Variants in DNALI1 observed in about 807,000 individuals in gnomAD.
DNALI1 encodes axonemal dynein light intermediate polypeptide 1.
In DNALI1, 31 loss-of-function variants were observed where a neutral mutation model predicts 33.9. The ratio of observed to expected loss-of-function variants is 0.91; its 90% CI spans 0.69 to 1.23. The LOEUF is 1.23. Ranked by LOEUF, DNALI1 falls within the 50% of genes most tolerant of loss-of-function variation. The probability of loss-of-function intolerance (pLI) is 0.00; values close to 1 mark genes in which losing one functional copy is unlikely to be tolerated. For synonymous variants in DNALI1, 117 were observed against 129.2 expected, an observed-to-expected ratio of 0.91 and a Z score of 0.64; for missense variants, 305 against 323.8, an observed-to-expected ratio of 0.94 and a Z score of 0.44.
In DNALI1 at chr1:37,557,027, C is replaced by G. The variant is rs774600493; in HGVS notation, c.33C>G (p.Tyr11Ter). The change falls in exon 1 of 6, where the codon TAC becomes TAG. Residue 11 changes from tyrosine to a stop codon, truncating the protein, a stop_gained. Coordinates refer to ENST00000652629, the MANE Select transcript of DNALI1 (RefSeq NM_003462.5). LOFTEE classifies it high-confidence loss of function. ...CGCCCGCAGACTCTTTGCTCAAGTA[C>G]GACACCCCAGTGCTGGTGAGCCGGA... MIPPADSLLKYDTPVLVSRNT... is the reference protein window; with the variant it reads MIPPADSLLK 1.2e-6 allele frequency: 2 copies of G among 1,614,176 alleles called. No homozygotes were observed. Among genetic ancestry groups the G allele is most frequent in the Non-Finnish European group, 8.5e-7 (1 of 1,180,042 alleles).
At chr1:37,564,252 A>G (rs1570041619) in intron 5 of DNALI1, among the ~76,000 whole-genome samples, 1 of 125,492 alleles carries the variant, frequency 8.0e-6, no homozygotes, top group African/African-American at 3.0e-5. Context: ...ACCCCCCAAC[A>G]AAGAGGGACA....
chr1:37,556,985 C>A lies in DNALI1; in HGVS notation c.-10C>A. On this transcript the variant is annotated 5_prime_UTR_variant, in exon 1 of 6. Coordinates refer to ENST00000652629, the MANE Select transcript of DNALI1 (RefSeq NM_003462.5). ...AGGGCAGCTGCTGGGTTGCTACTCT[C>A]GCCTCCGCCATGATTCCGCCCGCAG... is the stretch of plus-strand genomic sequence containing the variant. The A allele has an allele frequency of 6.2e-7, 1 of 1,614,232 alleles. No homozygotes were observed. The highest frequency in any genetic ancestry group is 8.5e-7 in the Non-Finnish European group (1 of 1,180,046).
In DNALI1 at chr1:37,557,008, C is replaced by G. The variant is rs565304670; in HGVS notation, c.14C>G (p.Ala5Gly). Reference sequence around the variant, plus strand: ...CTCGCCTCCGCCATGATTCCGCCCGCAGACTCTTTGCTCAAGTACGACACC... The same window carrying G: ...CTCGCCTCCGCCATGATTCCGCCCGGAGACTCTTTGCTCAAGTACGACACC... MIPP[A>G]DSLLKYDTPV... The change falls in exon 1 of 6, where the codon GCA becomes GGA. Residue 5 changes from alanine to glycine, a missense_variant. Ala to Gly is a moderately conservative substitution (Grantham distance 60). Transcript: ENST00000652629. 4 of 1,614,226 alleles carry G rather than the reference C, an allele frequency of 2.5e-6. No individual in the cohort carries two copies. The African/African-American group carries it at 5.3e-5, about 22-fold the overall frequency.
Position 37,562,203 on chromosome 1 carries a change from T to C in DNALI1, c.699T>C (p.Asn233=), listed in dbSNP as rs373348056. 3.1e-6 allele frequency: 5 copies of C among 1,613,242 alleles called. No homozygotes were observed. The highest frequency in any genetic ancestry group is 1.3e-5 in the African/African-American group (1 of 74,792). The change falls in exon 5 of 6, where the codon AAT becomes AAC. Residue 233 remains asparagine (N), a synonymous_variant. Transcript: ENST00000652629. The surrounding 1 kb of genome is among the most constrained non-coding windows in gnomAD (Gnocchi z 5.8). ...ERRQVEEKKH[N]EEIQFLKRTN... is the part of the protein sequence containing the mutation. Reference sequence around the variant, plus strand: ...GGCAGGTGGAGGAGAAGAAGCACAATGAGGAGATTCAGTTCCTGAAGCGAA... The same window carrying C: ...GGCAGGTGGAGGAGAAGAAGCACAACGAGGAGATTCAGTTCCTGAAGCGAA...
chr1:37,557,800 G>A (rs760154244), intron 2 of DNALI1, 52 bp downstream of exon 2: 1 of 1,604,960 alleles, frequency 6.2e-7, no homozygotes, highest in East Asian at 2.3e-5. Flanking sequence ...TTACATCGTG[G>A]ATTTTGGGAG....
Position 37,557,716 on chromosome 1 carries a change from A to G in DNALI1, c.195A>G (p.Ala65=), listed in dbSNP as rs1205499922. 1.2e-6 allele frequency: 2 copies of G among 1,613,956 alleles called. No individual in the cohort carries two copies. The highest frequency in any genetic ancestry group is 3.3e-5 in the Admixed American group (2 of 60,006). The part of the protein sequence containing the change: ...TPCVPDPTKQ[A]EEILNAILPP... ...GTGTCCCAGATCCTACAAAGCAGGC[A>G]GAAGAAATCTTGAATGCCATACTAC... is the stretch of plus-strand genomic sequence containing the variant. Residue 65 remains alanine (A), a synonymous_variant, in exon 2 of 6, where the codon GCA becomes GCG. Coordinates refer to ENST00000652629, the MANE Select transcript of DNALI1 (RefSeq NM_003462.5).
Position 37,557,012 on chromosome 1 carries a change from C to T in DNALI1, c.18C>T (p.Asp6=), listed in dbSNP as rs748000728. Residue 6 remains aspartate (D), a synonymous_variant, in exon 1 of 6, where the codon GAC becomes GAT. Coordinates refer to ENST00000652629, the MANE Select transcript of DNALI1 (RefSeq NM_003462.5). ...CCTCCGCCATGATTCCGCCCGCAGA[C>T]TCTTTGCTCAAGTACGACACCCCAG... The part of the protein sequence containing the change: MIPPA[D]SLLKYDTPVL... The T allele has an allele frequency of 2.5e-6, 4 of 1,614,248 alleles. No individual in the cohort carries two copies. Among genetic ancestry groups the T allele is most frequent in the Non-Finnish European group, 3.4e-6 (4 of 1,180,050 alleles).
In DNALI1 at chr1:37,562,024, T is replaced by C; in HGVS notation, c.577-57T>C. On this transcript the variant is annotated intron_variant, in intron 4 of 5. Coordinates refer to ENST00000652629, the MANE Select transcript of DNALI1 (RefSeq NM_003462.5). The surrounding 1 kb of genome is among the most constrained non-coding windows in gnomAD (Gnocchi z 5.8). Reference sequence around the variant, plus strand: ...TGTCCCATGTCCCTTCCACCCAGGCTCACACCATTCCATTCACCTGGCGAC... The same window carrying C: ...TGTCCCATGTCCCTTCCACCCAGGCCCACACCATTCCATTCACCTGGCGAC... The C allele has an allele frequency of 6.2e-7, 1 of 1,610,316 alleles. No individual in the cohort carries two copies. Among genetic ancestry groups the C allele is most frequent in the Non-Finnish European group, 8.5e-7 (1 of 1,177,894 alleles).
At chr1:37,563,175 A>G (rs192183012) in intron 5 of DNALI1, among the ~76,000 whole-genome samples, 204 of 152,292 alleles carry the variant, frequency 1.3e-3, no homozygotes, top group African/African-American at 4.7e-3. Context: ...CAATCTTGAC[A>G]TTGCAGGCTT....
Position 37,561,750 on chromosome 1 carries a change from C to G in DNALI1, c.576+15C>G. ...TGGAGAGGAAAGTGAGTGGGGTTTACCGTGACCCTTGGTCCCATCTCTTCT... is the reference window on the plus strand; with the variant it reads ...TGGAGAGGAAAGTGAGTGGGGTTTAGCGTGACCCTTGGTCCCATCTCTTCT... On this transcript the variant is annotated intron_variant, in intron 4 of 5. Coordinates refer to ENST00000652629, the MANE Select transcript of DNALI1 (RefSeq NM_003462.5). This position sits in a 1 kb window ranked among gnomAD's most constrained non-coding sequence, Gnocchi z 4.6. 6.2e-7 allele frequency: 1 copy of G among 1,610,720 alleles called. No homozygotes were observed. The highest frequency in any genetic ancestry group is 8.5e-7 in the Non-Finnish European group (1 of 1,177,758).
rs1354769226 is a variant in DNALI1 at position 37,559,257 on chromosome 1, G to A, written c.228-70G>A. The A allele has an allele frequency of 6.9e-7, 1 of 1,450,328 alleles. No homozygotes were observed. Among genetic ancestry groups the A allele is most frequent in the African/African-American group, 1.4e-5 (1 of 69,348 alleles). The allele number at this position is 1,450,328 out of a possible 1,614,324, so 89.8% of individuals were successfully genotyped here. ...CACTACTCAGGCAGAGGGCTCAAAG[G>A]GCCCTCTGCTCATGTGCTAGGGACC... On this transcript the variant is annotated intron_variant, in intron 2 of 5. Coordinates refer to ENST00000652629, the MANE Select transcript of DNALI1 (RefSeq NM_003462.5). The surrounding 1 kb of genome is among the most constrained non-coding windows in gnomAD (Gnocchi z 5.3).
At position 37,566,587 on chromosome 1, in the gene DNALI1, C is replaced by T. The variant is rs545324791; in HGVS notation, c.*1526C>T. 4.9e-6 allele frequency: 2 copies of T among 412,036 alleles called. No individual in the cohort carries two copies. Among genetic ancestry groups the T allele is most frequent in the African/African-American group, 2.0e-5 (1 of 49,118 alleles). 25.5% of individuals were successfully genotyped at this position (412,036 alleles called of 1,614,324 possible). On this transcript the variant is annotated 3_prime_UTR_variant, in exon 6 of 6. Transcript: ENST00000652629. ...ACCCTTTCCATTTTATAGACCTCAT[C>T]CCCTATTTCTGTCAGACAGTTATAT... is the stretch of plus-strand genomic sequence containing the variant.
Position 37,565,279 on chromosome 1 carries a change from G to A in DNALI1, c.*218G>A. 1.7e-6 allele frequency: 1 copy of A among 582,092 alleles called. No homozygotes were observed. 36.1% of individuals were successfully genotyped at this position (582,092 alleles called of 1,614,324 possible). On this transcript the variant is annotated 3_prime_UTR_variant, in exon 6 of 6. Transcript: ENST00000652629. ...CTAAGGTCTGCCAGCCAGGCTCCTG[G>A]CTGGGCAATGGAAGATGGTGTGGCC...
Position 37,565,220 on chromosome 1 carries a change from G to A in DNALI1, c.*159G>A, listed in dbSNP as rs1643485952. ...CTAAACACCACCTAGGTATTTGTTA[G>A]AAGTCACACTATTACTCCAATGTCA... On this transcript the variant is annotated 3_prime_UTR_variant, in exon 6 of 6. Transcript: ENST00000652629. The A allele has an allele frequency of 2.7e-6, 2 of 743,298 alleles. No homozygotes were observed. Among genetic ancestry groups the A allele is most frequent in the East Asian group, 5.3e-5 (2 of 37,414 alleles). 46.0% of individuals were successfully genotyped at this position (743,298 alleles called of 1,614,324 possible).
intron 5 of DNALI1, among the ~76,000 whole-genome samples, chr1:37,563,998 C>G (rs913734619): frequency 7.9e-5 from 12 of 151,596 alleles, no homozygotes; most frequent in African/African-American, 2.9e-4. Context: ...CTTTGGGAGG[C>G]CGAGGCAGGT....
intron 5 of DNALI1, 106 bp from the exon 6 acceptor site, chr1:37,564,920 G>A: frequency 8.5e-7 from 1 of 1,179,640 alleles, no homozygotes; most frequent in Non-Finnish European, 1.3e-6. Flanking sequence ...AGAACCCTTG[G>A]AGTGACAGCA....
At position 37,559,605 on chromosome 1, in the gene DNALI1, C is replaced by A; in HGVS notation, c.397+109C>A. ...CCTTGGAGCTGGAGCCCATCTCATG[C>A]TGGAATCCCCTCTTCTCCCCCTGCC... is the stretch of plus-strand genomic sequence containing the variant. On this transcript the variant is annotated intron_variant, in intron 3 of 5. Coordinates refer to ENST00000652629, the MANE Select transcript of DNALI1 (RefSeq NM_003462.5). This position sits in a 1 kb window ranked among gnomAD's most constrained non-coding sequence, Gnocchi z 5.3. The A allele has an allele frequency of 1.6e-6, 2 of 1,254,200 alleles. No individual in the cohort carries two copies. The highest frequency in any genetic ancestry group is 2.2e-5 in the South Asian group (1 of 46,400). 77.7% of individuals were successfully genotyped at this position (1,254,200 alleles called of 1,614,324 possible).
chr1:37,562,098 G>C lies in DNALI1; in HGVS notation c.594G>C (p.Thr198=). 6.2e-7 allele frequency: 1 copy of C among 1,614,000 alleles called. No individual in the cohort carries two copies. Among genetic ancestry groups the C allele is most frequent in the African/African-American group, 1.3e-5 (1 of 75,018 alleles). ...DMERKIAELE[T]EKRDLERQVN... is the part of the protein sequence containing the mutation. ...CTCCTCAGATCGCAGAATTGGAGAC[G>C]GAAAAGAGAGACCTGGAGAGGCAAG... Residue 198 remains threonine (T), a synonymous_variant, in exon 5 of 6, where the codon ACG becomes ACC. Coordinates refer to ENST00000652629, the MANE Select transcript of DNALI1 (RefSeq NM_003462.5). The surrounding 1 kb of genome is among the most constrained non-coding windows in gnomAD (Gnocchi z 5.8).
Position 37,561,462 on chromosome 1 carries a change from A to G in DNALI1, c.398-95A>G, listed in dbSNP as rs1485155262. On this transcript the variant is annotated intron_variant, in intron 3 of 5. Transcript: ENST00000652629. This position sits in a 1 kb window ranked among gnomAD's most constrained non-coding sequence, Gnocchi z 4.6. ...CTTTGTCTCCAAGCGAGAACACCCT[A>G]ATGTCCTTCCCAAGAGGAAGGGTGT... The G allele has an allele frequency of 2.8e-6, 4 of 1,452,758 alleles. No individual in the cohort carries two copies. The highest frequency in any genetic ancestry group is 2.4e-5 in the East Asian group (1 of 41,190). The allele number at this position is 1,452,758 out of a possible 1,614,324, so 90.0% of individuals were successfully genotyped here.
Sources: allele counts gnomAD v4.1 joint callset (sites outside exome capture counted in the v4.1 genomes callset), GRCh38; gene constraint gnomAD v4.1.1; non-coding constraint Gnocchi (gnomAD v3.1); transcripts MANE v1.5; gene names NCBI Gene and HGNC (gene_info 2026-07-23, HGNC 2026-07-21).